The following ADAMTS12 variants were observed in gnomAD, a reference collection of about 807,000 sequenced individuals.
The protein encoded by ADAMTS12 is ADAM metallopeptidase with thrombospondin type 1 motif 12.
Under a neutral mutation model 167.8 loss-of-function variants are expected in ADAMTS12, and 118 were observed. That is an observed-to-expected ratio of 0.70 (90% CI 0.61 to 0.82). ADAMTS12 has a LOEUF of 0.82. Ranked by LOEUF, ADAMTS12 falls within the 40% of genes least tolerant of loss-of-function variation. The pLI is 0.00. For synonymous variants in ADAMTS12, 704 were observed against 716.9 expected (o/e 0.98, Z 0.29); for missense variants, 1,916 against 1,998.8 (o/e 0.96, Z 0.79).
In ADAMTS12 at chr5:33,751,618, A is replaced by C. The variant is rs1744984450; in HGVS notation, c.490-70T>G. 2.7e-6 allele frequency: 4 copies of C among 1,492,542 alleles called. No homozygotes were observed. In the African/African-American group the frequency reaches 5.6e-5, roughly 21 times the overall value. 92.5% of individuals were successfully genotyped at this position (1,492,542 alleles called of 1,614,324 possible). ...ATACCTACTAAAAACAAAGTGAAAAATTATATAGCTTATGAGTATCTCTGA... is the reference window on the plus strand; with the variant it reads ...ATACCTACTAAAAACAAAGTGAAAACTTATATAGCTTATGAGTATCTCTGA... On this transcript the variant is annotated intron_variant, in intron 2 of 23. Transcript: ENST00000504830.
chr5:33,743,599 GTATCCTAATTACC>G (rs2112376386), intron 3 of ADAMTS12, among the ~76,000 whole-genome samples: 1 of 152,262 alleles, frequency 6.6e-6, no homozygotes, highest in Non-Finnish European at 1.5e-5. Context: ...GTTCACCCTT[GTATCCTAATTACC>G]CGGTGTCTGG....
At chr5:33,737,344 G>A (rs1440773030) in intron 3 of ADAMTS12, among the ~76,000 whole-genome samples, 3 of 152,182 alleles carry the variant, frequency 2.0e-5, no homozygotes, top group Admixed American at 6.5e-5. Context: ...TGTGAGGCCA[G>A]ATGTGTTTTG....
At chr5:33,566,282 C>T (rs537831580) in intron 19 of ADAMTS12, among the ~76,000 whole-genome samples, 5 of 152,234 alleles carry the variant, frequency 3.3e-5, no homozygotes, top group African/African-American at 1.2e-4. Flanking sequence ...GTCAACATAG[C>T]AAGACTCCCA....
chr5:33,790,923 A>T (rs1746540585), intron 2 of ADAMTS12, among the ~76,000 whole-genome samples: 1 of 151,966 alleles, frequency 6.6e-6, no homozygotes, highest in Non-Finnish European at 1.5e-5. Context: ...CCACAGGAGA[A>T]ACCCCTAATG....
At chr5:33,813,259 A>T (rs62349806) in intron 2 of ADAMTS12, among the ~76,000 whole-genome samples, 1 of 152,022 alleles carries the variant, frequency 6.6e-6, no homozygotes, top group Non-Finnish European at 1.5e-5. Flanking sequence ...TTTTCATTTT[A>T]GCCATCTGGA....
intron 2 of ADAMTS12, among the ~76,000 whole-genome samples, chr5:33,854,470 A>G (rs967929002): frequency 6.6e-6 from 1 of 152,138 alleles, no homozygotes; most frequent in South Asian, 2.1e-4. Flanking sequence ...CACTAACCCT[A>G]TAATAGAGAA....
chr5:33,724,108 C>T (rs574115752), intron 3 of ADAMTS12, among the ~76,000 whole-genome samples: 1 of 152,322 alleles, frequency 6.6e-6, no homozygotes, highest in Admixed American at 6.5e-5. Context: ...ACAGTGTGAT[C>T]ATAGGCACAT....
chr5:33,871,391 G>A lies in ADAMTS12; in HGVS notation c.489+9728C>T, dbSNP rs1254252931. Among the ~76,000 whole-genome samples, 4 of 151,844 alleles carry A rather than the reference G, an allele frequency of 2.6e-5. No homozygotes were observed. In the East Asian group the frequency reaches 7.7e-4, roughly 29 times the overall value. Reference sequence around the variant, plus strand: ...CTGATACCAAAATCAGACACAAACAGTACTGAAAAGAAAGGAAAACTACAA... The same window carrying A: ...CTGATACCAAAATCAGACACAAACAATACTGAAAAGAAAGGAAAACTACAA... On this transcript the variant is annotated intron_variant, in intron 2 of 23. Transcript: ENST00000504830.
chr5:33,833,479 C>A (rs921137655), intron 2 of ADAMTS12, among the ~76,000 whole-genome samples: 1 of 152,186 alleles, frequency 6.6e-6, no homozygotes, highest in African/African-American at 2.4e-5. Context: ...TTCACTTTCA[C>A]CTTTCAAGGA....
intron 5 of ADAMTS12, among the ~76,000 whole-genome samples, chr5:33,681,486 A>C (rs1264582880): frequency 6.6e-6 from 1 of 152,186 alleles, no homozygotes; most frequent in East Asian, 1.9e-4. Flanking sequence ...TTTGTGTCCC[A>C]GGCACTGTTT....
intron 5 of ADAMTS12, among the ~76,000 whole-genome samples, chr5:33,676,548 G>A (rs970819117): frequency 2.6e-5 from 4 of 151,724 alleles, no homozygotes; most frequent in East Asian, 1.9e-4. Flanking sequence ...GCTAGGCATC[G>A]TTGCAAGTGC....
chr5:33,755,632 G>A (rs1417045757), intron 2 of ADAMTS12, among the ~76,000 whole-genome samples: 3 of 152,196 alleles, frequency 2.0e-5, no homozygotes, highest in Non-Finnish European at 4.4e-5. Context: ...AGACCTTGAA[G>A]AGTCACCCAC....
At chr5:33,630,650 T>G in intron 13 of ADAMTS12, 130 bp downstream of exon 13, 1 of 1,009,706 alleles carries the variant, frequency 9.9e-7, no homozygotes, top group Non-Finnish European at 1.4e-6. Flanking sequence ...TCTTTTCGTT[T>G]CATGAACTAT....
At chr5:33,810,675 C>A (rs991664024) in intron 2 of ADAMTS12, among the ~76,000 whole-genome samples, 1 of 152,116 alleles carries the variant, frequency 6.6e-6, no homozygotes, top group Admixed American at 6.5e-5. Context: ...TGAGTACCAG[C>A]AAAACAAGGG....
intron 2 of ADAMTS12, among the ~76,000 whole-genome samples, chr5:33,855,633 G>A (rs1239603979): frequency 6.6e-6 from 1 of 151,878 alleles, no homozygotes; most frequent in East Asian, 1.9e-4. Flanking sequence ...CAGCAGAAAT[G>A]TGTCACTGCA....
At chr5:33,833,725 T>C (rs1748398534) in intron 2 of ADAMTS12, among the ~76,000 whole-genome samples, 1 of 152,206 alleles carries the variant, frequency 6.6e-6, no homozygotes, top group South Asian at 2.1e-4. Flanking sequence ...GTTAAACTGA[T>C]GATGGCACAG....
At chr5:33,578,909 C>T (rs545016366) in intron 18 of ADAMTS12, among the ~76,000 whole-genome samples, 31 of 152,214 alleles carry the variant, frequency 2.0e-4, no homozygotes, top group East Asian at 1.2e-3. Flanking sequence ...GCAAGTCACT[C>T]CAAGATGGAA....
In ADAMTS12 at chr5:33,577,137, T is replaced by C; in HGVS notation, c.2889A>G (p.Gly963=). The change falls in exon 19 of 24, where the codon GGA becomes GGG. Residue 963 remains glycine (G), a synonymous_variant. Transcript: ENST00000504830. ...WSECSVSCGG[G]VRIRSVTCAK... ...CACATGTGACACTGCGAATCCGCAC[T>C]CCACCACCACAGGAAACAGAACACT... 1.2e-6 allele frequency: 2 copies of C among 1,614,166 alleles called. No individual in the cohort carries two copies.
At chr5:33,674,045 G>A (rs1019126197) in intron 5 of ADAMTS12, among the ~76,000 whole-genome samples, 1 of 152,086 alleles carries the variant, frequency 6.6e-6, no homozygotes, top group Admixed American at 6.6e-5. Context: ...TCCTCTTAGG[G>A]CCTCCAGAAC....
Sources: gnomAD v4.1 joint callset for allele counts (sites outside exome capture counted in the v4.1 genomes callset) on GRCh38, gnomAD v4.1.1 for gene constraint, MANE v1.5 for transcripts, NCBI Gene and HGNC (gene_info 2026-07-23, HGNC 2026-07-21) for gene names.